Variants in GAN observed in about 807,000 individuals in gnomAD.
The protein encoded by GAN is epididymis secretory sperm binding protein.
A neutral mutation model predicts 71.3 loss-of-function variants in GAN; 48 were observed. The ratio of observed to expected loss-of-function variants is 0.67; its 90% CI spans 0.53 to 0.86. The LOEUF is 0.86. Among genes scored for constraint, GAN ranks in the 40% least tolerant of loss-of-function variants. The pLI is 0.00. For synonymous variants in GAN, 386 were observed against 276.8 expected (o/e 1.39, Z -3.92); for missense variants, 928 against 770.1 (o/e 1.21, Z -2.43).
intron 1 of GAN, among the ~76,000 whole-genome samples, chr16:81,330,829 A>G (rs1232049640): frequency 6.6e-6 from 1 of 152,252 alleles, no homozygotes; most frequent in African/African-American, 2.4e-5. Flanking sequence ...CATCATTAGA[A>G]CAAGACATAA....
Position 81,386,993 on chromosome 16 carries a change from C to G in GAN, c.*9397C>G, listed in dbSNP as rs935834404. The G allele has an allele frequency of 6.6e-6, 1 of 152,124 alleles. No homozygotes were observed. Among genetic ancestry groups the G allele is most frequent in the African/African-American group, 2.4e-5 (1 of 41,416 alleles). 9.4% of individuals were successfully genotyped at this position (152,124 alleles called of 1,614,324 possible). ...GTAGAAGTAGGATTTAACAAAGGAC[C>G]GAGAAGTCGGCTGAATAGCCAGGTT... On this transcript the variant is annotated 3_prime_UTR_variant, in exon 11 of 11. Transcript: ENST00000648994.
At chr16:81,340,853 G>A (rs972300539) in intron 1 of GAN, among the ~76,000 whole-genome samples, 5 of 151,990 alleles carry the variant, frequency 3.3e-5, no homozygotes, top group African/African-American at 9.7e-5. Context: ...CCAAGCTAAA[G>A]GAGCATGTTT....
chr16:81,360,942 A>G (rs310034), intron 5 of GAN, among the ~76,000 whole-genome samples: 31,477 of 152,136 alleles, frequency 0.21, 3,538 homozygotes, highest in Non-Finnish European at 0.26. Flanking sequence ...TATTTGTAGC[A>G]GCCGGGCGCA....
At chr16:81,370,781 A>G (rs767747477) in intron 9 of GAN, among the ~76,000 whole-genome samples, 1 of 152,224 alleles carries the variant, frequency 6.6e-6, no homozygotes, top group Non-Finnish European at 1.5e-5. Flanking sequence ...ATTTCTCCCT[A>G]GTATTTTCTG....
chr16:81,353,148 G>A (rs574380437), intron 2 of GAN, among the ~76,000 whole-genome samples: 5 of 152,134 alleles, frequency 3.3e-5, no homozygotes, highest in African/African-American at 9.6e-5. Context: ...AAAATTAGCC[G>A]GGCGAGGTGG....
intron 1 of GAN, among the ~76,000 whole-genome samples, chr16:81,341,936 A>G (rs1209384919): frequency 6.6e-6 from 1 of 152,218 alleles, no homozygotes; most frequent in Non-Finnish European, 1.5e-5. Context: ...GGGATGGAGG[A>G]AGATCTACCA....
chr16:81,337,291 C>A (rs1269745962), intron 1 of GAN, among the ~76,000 whole-genome samples: 1 of 152,166 alleles, frequency 6.6e-6, no homozygotes, highest in Non-Finnish European at 1.5e-5. Flanking sequence ...TGACATGATT[C>A]ATTCGAAATC....
intron 1 of GAN, among the ~76,000 whole-genome samples, chr16:81,323,308 C>T (rs947500002): frequency 6.6e-6 from 1 of 152,300 alleles, no homozygotes; most frequent in South Asian, 2.1e-4. Context: ...CTAAAAATTA[C>T]AATGCCTGCT....
At chr16:81,336,256 G>C (rs1248694662) in intron 1 of GAN, among the ~76,000 whole-genome samples, 1 of 152,148 alleles carries the variant, frequency 6.6e-6, no homozygotes, top group Non-Finnish European at 1.5e-5. Context: ...TGTCTCAGAC[G>C]TCTGTGGAAA....
rs1597419169 is a variant in GAN at position 81,389,569 on chromosome 16, G to A, written c.*11973G>A. 2 of 152,220 alleles carry A rather than the reference G, an allele frequency of 1.3e-5. No individual in the cohort carries two copies. The highest frequency in any genetic ancestry group is 4.8e-5 in the African/African-American group (2 of 41,446). The allele number at this position is 152,220 out of a possible 1,614,324, so 9.4% of individuals were successfully genotyped here. On this transcript the variant is annotated 3_prime_UTR_variant, in exon 11 of 11. Transcript: ENST00000648994. Reference sequence around the variant, plus strand: ...TAGGCGTAGGCAGACTTCATTGTGTGTTAGCAGTGACAGTGATGTCTGTAC... The same window carrying A: ...TAGGCGTAGGCAGACTTCATTGTGTATTAGCAGTGACAGTGATGTCTGTAC...
intron 8 of GAN, 105 bp downstream of exon 8, chr16:81,365,215 C>A: frequency 6.4e-7 from 1 of 1,566,044 alleles, no homozygotes; most frequent in Non-Finnish European, 8.8e-7. Flanking sequence ...GTAACCTTTT[C>A]TTTGACTTGG....
At chr16:81,316,975 C>T (rs1045692808) in intron 1 of GAN, among the ~76,000 whole-genome samples, 1 of 152,354 alleles carries the variant, frequency 6.6e-6, no homozygotes, top group Admixed American at 6.5e-5. Context: ...TCTCCTGCCT[C>T]AGCCTCCCGA....
At chr16:81,327,644 G>C (rs751733579) in intron 1 of GAN, among the ~76,000 whole-genome samples, 3 of 152,042 alleles carry the variant, frequency 2.0e-5, no homozygotes, top group Non-Finnish European at 4.4e-5. Context: ...CTCTACATTG[G>C]GAAAGAGAAA....
chr16:81,359,809 A>C (rs1310811075), intron 5 of GAN, among the ~76,000 whole-genome samples: 2 of 152,180 alleles, frequency 1.3e-5, no homozygotes, highest in Non-Finnish European at 2.9e-5. Flanking sequence ...AGCACAGTAA[A>C]AGATTAACGA....
intron 1 of GAN, among the ~76,000 whole-genome samples, chr16:81,348,733 G>C (rs991733843): frequency 1.3e-5 from 2 of 152,228 alleles, no homozygotes; most frequent in Non-Finnish European, 2.9e-5. Context: ...CTATAGGTTA[G>C]ACTTGTTGAA....
In GAN at chr16:81,378,518, A is replaced by C. The variant is rs185268068; in HGVS notation, c.*922A>C. 3 of 152,408 alleles carry C rather than the reference A, an allele frequency of 2.0e-5. No individual in the cohort carries two copies. Among genetic ancestry groups the C allele is most frequent in the African/African-American group, 7.2e-5 (3 of 41,586 alleles). The allele number at this position is 152,408 out of a possible 1,614,324, so 9.4% of individuals were successfully genotyped here. A position where few individuals can be genotyped will look rare whatever the true frequency, so the allele number is the denominator to read the frequency against. ...CTAAAAAAGCAAAAACAAAAAAGCT[A>C]TCCAGACAAAATACATAGGGATCAG... On this transcript the variant is annotated 3_prime_UTR_variant, in exon 11 of 11. Coordinates refer to ENST00000648994, the MANE Select transcript of GAN (RefSeq NM_022041.4).
rs973484103 is a variant in GAN, at chr16:81,382,413, A to G, written c.*4817A>G. On this transcript the variant is annotated 3_prime_UTR_variant, in exon 11 of 11. Coordinates refer to ENST00000648994, the MANE Select transcript of GAN (RefSeq NM_022041.4). ...CTTTGATTTTCTTTGTTAGTTAGCT[A>G]TAGGAAGGTTAAGAATTTATTTACT... The G allele has an allele frequency of 3.3e-5, 5 of 152,224 alleles. No individual in the cohort carries two copies. Among genetic ancestry groups the G allele is most frequent in the African/African-American group, 9.6e-5 (4 of 41,466 alleles). The allele number at this position is 152,224 out of a possible 1,614,324, so 9.4% of individuals were successfully genotyped here.
intron 1 of GAN, among the ~76,000 whole-genome samples, chr16:81,348,044 G>A (rs1389380861): frequency 6.6e-6 from 1 of 151,882 alleles, no homozygotes; most frequent in Non-Finnish European, 1.5e-5. Flanking sequence ...ATAGAGGTGG[G>A]GTGTCGCTGT....
intron 4 of GAN, 80 bp from the exon 5 acceptor site, chr16:81,357,730 A>C: frequency 7.7e-7 from 1 of 1,291,664 alleles, no homozygotes; most frequent in Non-Finnish European, 1.1e-6. Context: ...ATTCTTTAGT[A>C]AACTAAAACT....
Sources: allele counts gnomAD v4.1 joint callset (sites outside exome capture counted in the v4.1 genomes callset), GRCh38; gene constraint gnomAD v4.1.1; transcripts MANE v1.5; gene names NCBI Gene and HGNC (gene_info 2026-07-23, HGNC 2026-07-21).